Variants in TBC1D32 observed in about 807,000 individuals in gnomAD.
TBC1D32 encodes TBC1 domain family member 32, also known as protein broad-minded.
Under a neutral mutation model 170.3 loss-of-function variants are expected in TBC1D32, and 151 were observed. That is an observed-to-expected ratio of 0.89 (90% CI 0.78 to 1.01). TBC1D32 has a LOEUF of 1.01. Ranked by LOEUF, TBC1D32 falls within the 50% of genes least tolerant of loss-of-function variation. The pLI, the probability that TBC1D32 is intolerant of heterozygous loss-of-function variation, is 0.00. For missense variants in TBC1D32, 1,464 were observed against 1,457.1 expected (o/e 1.00, Z -0.08); for synonymous variants, 498 against 488.0 (o/e 1.02, Z -0.27).
In TBC1D32 at chr6:121,220,640, C is replaced by CTTTTTT. The variant is rs923251281; in HGVS notation, c.2481+2590_2481+2595dup. ...CTACATTAAAGAGATTTTTCTTTTT[C>CTTTTTT]TTTTTTTTTTTTTTTTTTGAGATTG... On this transcript the variant is annotated intron_variant, in intron 21 of 31. Transcript: ENST00000398212. Among the ~76,000 whole-genome samples, 117 of 126,068 alleles carry CTTTTTT rather than the reference C, an allele frequency of 9.3e-4. 1 individual carries two copies. The highest frequency in any genetic ancestry group is 1.3e-3 in the South Asian group (5 of 3,876). 82.7% of individuals were successfully genotyped at this position (126,068 alleles called of 152,430 possible). A position where few individuals can be genotyped will look rare whatever the true frequency, so the allele number is the denominator to read the frequency against.
chr6:121,179,289 GTATA>G (rs1369917014), intron 22 of TBC1D32, among the ~76,000 whole-genome samples: 1 of 149,180 alleles, frequency 6.7e-6, no homozygotes, highest in Non-Finnish European at 1.5e-5. Flanking sequence ...ATATATATAT[GTATA>G]GTTTGTGTGT....
intron 15 of TBC1D32, among the ~76,000 whole-genome samples, chr6:121,274,299 C>G (rs1477709195): frequency 6.6e-6 from 1 of 151,798 alleles, no homozygotes; most frequent in African/African-American, 2.4e-5. Flanking sequence ...TGCGACTGCA[C>G]TCCAGCCTGG....
At chr6:121,103,880 A>C (rs1203312445) in intron 30 of TBC1D32, among the ~76,000 whole-genome samples, 1 of 151,856 alleles carries the variant, frequency 6.6e-6, no homozygotes. Flanking sequence ...GAAAGAATTG[A>C]TTATTGAGCT....
intron 24 of TBC1D32, among the ~76,000 whole-genome samples, chr6:121,154,839 C>T (rs1006431553): frequency 6.6e-6 from 1 of 152,128 alleles, no homozygotes; most frequent in Non-Finnish European, 1.5e-5. Flanking sequence ...TCTGGGTTCT[C>T]TATTCTGTTT....
chr6:121,227,559 GT>G (rs1795229006), intron 20 of TBC1D32, among the ~76,000 whole-genome samples: 1 of 149,906 alleles, frequency 6.7e-6, no homozygotes, highest in Non-Finnish European at 1.5e-5. Flanking sequence ...TTCTACATAT[GT>G]TGAAATAATA....
intron 24 of TBC1D32, among the ~76,000 whole-genome samples, chr6:121,137,425 A>G (rs1408690692): frequency 1.3e-5 from 2 of 150,796 alleles, no homozygotes; most frequent in African/African-American, 2.4e-5. Flanking sequence ...CTTCTTCTCT[A>G]TATTCTTTAA....
intron 30 of TBC1D32, among the ~76,000 whole-genome samples, chr6:121,093,756 T>G (rs75744017): frequency 0.025 from 3,772 of 152,254 alleles, 169 homozygotes; most frequent in East Asian, 0.13. Context: ...TTTTCTTCAT[T>G]AAATGGATAT....
chr6:121,132,414 A>T (rs187524752), intron 24 of TBC1D32, among the ~76,000 whole-genome samples: 2 of 152,132 alleles, frequency 1.3e-5, no homozygotes, highest in East Asian at 3.9e-4. Flanking sequence ...TGAGAAGTTG[A>T]GACCAGAGAA....
intron 21 of TBC1D32, among the ~76,000 whole-genome samples, chr6:121,216,586 T>C (rs1793853853): frequency 6.6e-6 from 1 of 152,174 alleles, no homozygotes; most frequent in South Asian, 2.1e-4. Flanking sequence ...TAGAGAGTTA[T>C]GCAAAATAAA....
chr6:121,246,686 G>GA lies in TBC1D32; in HGVS notation c.2019-4348dup, dbSNP rs1379560314. On this transcript the variant is annotated intron_variant, in intron 17 of 31. Coordinates refer to ENST00000398212, the MANE Select transcript of TBC1D32 (RefSeq NM_152730.6). ...TTTCCAGAGAAATAGATATAATAAA[G>GA]AAAAAAATCACAATTTCTGGAAATG... 6.6e-5 allele frequency among the ~76,000 whole-genome samples: 10 copies of GA among 151,252 alleles called. No individual in the cohort carries two copies. The East Asian group carries it at 1.4e-3, about 21-fold the overall frequency.
At chr6:121,255,215 T>C in intron 17 of TBC1D32, 113 bp downstream of exon 17, 1 of 526,260 alleles carries the variant, frequency 1.9e-6, no homozygotes, top group Admixed American at 3.9e-5. Context: ...GCTGTATATA[T>C]ACATTTACCA....
intron 3 of TBC1D32, among the ~76,000 whole-genome samples, chr6:121,315,653 T>C (rs191073479): frequency 2.4e-4 from 36 of 152,278 alleles, no homozygotes; most frequent in Non-Finnish European, 4.3e-4. Context: ...TCAGACCTTT[T>C]TTTTCACCCC....
intron 22 of TBC1D32, among the ~76,000 whole-genome samples, chr6:121,195,149 G>A (rs1790564406): frequency 6.6e-6 from 1 of 152,194 alleles, no homozygotes; most frequent in Non-Finnish European, 1.5e-5. Context: ...TAAGTGACCT[G>A]AAAGGCTGCC....
At chr6:121,274,512 G>GA (rs199812961) in intron 15 of TBC1D32, among the ~76,000 whole-genome samples, 71 of 139,520 alleles carry the variant, frequency 5.1e-4, no homozygotes, top group Non-Finnish European at 5.0e-4. Context: ...TAGAATTTCA[G>GA]AAAAAAAAAA....
At chr6:121,304,659 T>C (rs781121638) in intron 6 of TBC1D32, 34 bp from the exon 7 acceptor site, 15 of 1,558,192 alleles carry the variant, frequency 9.6e-6, no homozygotes, top group Middle Eastern at 1.7e-4. Context: ...AATTACATCA[T>C]TCATTTACAG....
At chr6:121,117,888 C>T (rs1779851968) in intron 26 of TBC1D32, among the ~76,000 whole-genome samples, 1 of 151,966 alleles carries the variant, frequency 6.6e-6, no homozygotes, top group African/African-American at 2.4e-5. Context: ...TTATACAAAA[C>T]TCTGGACTAC....
At chr6:121,109,860 T>A (rs1439453055) in intron 29 of TBC1D32, among the ~76,000 whole-genome samples, 1 of 152,134 alleles carries the variant, frequency 6.6e-6, no homozygotes, top group Non-Finnish European at 1.5e-5. Context: ...TTAAACCTTT[T>A]TAAGGTCATT....
chr6:121,107,780 C>T (rs907908138), intron 29 of TBC1D32, among the ~76,000 whole-genome samples: 1 of 151,856 alleles, frequency 6.6e-6, no homozygotes, highest in Non-Finnish European at 1.5e-5. Flanking sequence ...CATAAGAGTT[C>T]TATGTATAGG....
intron 19 of TBC1D32, among the ~76,000 whole-genome samples, 157 bp downstream of exon 19, chr6:121,241,308 A>C (rs1468171363): frequency 6.6e-6 from 1 of 152,244 alleles, no homozygotes; most frequent in East Asian, 1.9e-4. Context: ...AAAGACAAAA[A>C]GAAAATCCTG....
Sources: allele counts gnomAD v4.1 joint callset (sites outside exome capture counted in the v4.1 genomes callset), GRCh38; gene constraint gnomAD v4.1.1; transcripts MANE v1.5; gene names NCBI Gene and HGNC (gene_info 2026-07-23, HGNC 2026-07-21).